The following LAMA2 variants were observed in gnomAD, a reference collection of about 807,000 sequenced individuals.
The protein encoded by LAMA2 is laminin subunit alpha 2.
A neutral mutation model predicts 364.8 loss-of-function variants in LAMA2; 269 were observed. That is an observed-to-expected ratio of 0.74 (90% CI 0.67 to 0.82). The LOEUF is 0.82. Ranked by LOEUF, LAMA2 falls within the 40% of genes least tolerant of loss-of-function variation. LAMA2 has a pLI of 0.00. For synonymous variants in LAMA2, 1,379 were observed against 1,370.6 expected, an observed-to-expected ratio of 1.01 and a Z score of -0.14; for missense variants, 3,807 against 3,873.2, an observed-to-expected ratio of 0.98 and a Z score of 0.45.
At chr6:129,147,698 G>C (rs974304833) in intron 6 of LAMA2, among the ~76,000 whole-genome samples, 1 of 151,958 alleles carries the variant, frequency 6.6e-6, no homozygotes, top group African/African-American at 2.4e-5. Context: ...CTCCTGTATA[G>C]TATATGGAAA....
intron 4 of LAMA2, among the ~76,000 whole-genome samples, chr6:129,100,003 A>T (rs1775428050): frequency 6.6e-6 from 1 of 152,226 alleles, no homozygotes; most frequent in Admixed American, 6.5e-5. Flanking sequence ...GATTCAGTTT[A>T]CATAAGACTA....
chr6:129,229,570 G>A (rs527683408), intron 12 of LAMA2, among the ~76,000 whole-genome samples: 3 of 152,302 alleles, frequency 2.0e-5, no homozygotes, highest in Non-Finnish European at 1.5e-5. Flanking sequence ...GGGTTAGTAT[G>A]ATTGTTACTT....
intron 1 of LAMA2, among the ~76,000 whole-genome samples, chr6:128,945,702 T>C (rs540545327): frequency 8.5e-5 from 13 of 152,280 alleles, no homozygotes; most frequent in Non-Finnish European, 1.8e-4. Flanking sequence ...CCTATCACAT[T>C]TGTGGTAGGA....
At chr6:128,952,977 T>C (rs1780924286) in intron 1 of LAMA2, among the ~76,000 whole-genome samples, 1 of 152,174 alleles carries the variant, frequency 6.6e-6, no homozygotes, top group South Asian at 2.1e-4. Context: ...AAATGGCTAC[T>C]AGTAGCTACA....
intron 3 of LAMA2, among the ~76,000 whole-genome samples, chr6:129,084,406 T>C (rs1214173349): frequency 7.7e-6 from 1 of 129,314 alleles, no homozygotes; most frequent in African/African-American, 2.9e-5. Flanking sequence ...TTGTGTACTT[T>C]AAGCATGTGA....
chr6:129,290,333 C>T (rs1216931399), intron 19 of LAMA2, among the ~76,000 whole-genome samples: 1 of 152,018 alleles, frequency 6.6e-6, no homozygotes. Flanking sequence ...AAATTTTCAG[C>T]CTTTCCTTGT....
intron 45 of LAMA2, among the ~76,000 whole-genome samples, chr6:129,452,323 T>C (rs886723645): frequency 7.2e-5 from 11 of 152,200 alleles, no homozygotes; most frequent in African/African-American, 7.2e-5. Flanking sequence ...ATTTTTAAGG[T>C]ATTATTCAAA....
chr6:129,253,528 C>T (rs1179427275), intron 14 of LAMA2, among the ~76,000 whole-genome samples: 3 of 152,324 alleles, frequency 2.0e-5, no homozygotes, highest in Admixed American at 6.5e-5. Flanking sequence ...GGCAATTCTT[C>T]TAGAAGCTGG....
At chr6:129,301,520 T>C (rs935130953) in intron 22 of LAMA2, among the ~76,000 whole-genome samples, 3 of 152,126 alleles carry the variant, frequency 2.0e-5, no homozygotes, top group East Asian at 3.9e-4. Flanking sequence ...CTCAGGCTGA[T>C]ACAGCCTGGT....
intron 8 of LAMA2, among the ~76,000 whole-genome samples, chr6:129,165,299 G>A (rs1779678872): frequency 6.6e-6 from 1 of 150,878 alleles, no homozygotes; most frequent in Admixed American, 6.6e-5. Context: ...ATGTATACAA[G>A]ATAAAAAGGA....
At chr6:129,445,028 A>G (rs964841915) in intron 44 of LAMA2, among the ~76,000 whole-genome samples, 6 of 152,204 alleles carry the variant, frequency 3.9e-5, no homozygotes, top group African/African-American at 1.4e-4. Context: ...TTTAACCTAC[A>G]AAAACAGCTG....
chr6:129,435,722 C>T (rs771648786), intron 41 of LAMA2, among the ~76,000 whole-genome samples: 4 of 152,134 alleles, frequency 2.6e-5, no homozygotes, highest in Non-Finnish European at 5.9e-5. Context: ...AGGTGTCTGC[C>T]TATAAAACCC....
intron 1 of LAMA2, among the ~76,000 whole-genome samples, chr6:128,967,864 A>G (rs1327612845): frequency 3.3e-5 from 5 of 152,220 alleles, no homozygotes; most frequent in South Asian, 4.1e-4. Context: ...ATTATTATCT[A>G]TTACACCTCA....
chr6:128,897,122 T>C (rs1776821509), intron 1 of LAMA2, among the ~76,000 whole-genome samples: 1 of 152,246 alleles, frequency 6.6e-6, no homozygotes, highest in Non-Finnish European at 1.5e-5. Flanking sequence ...TTCTACTTTG[T>C]GGCCCATTCA....
chr6:129,244,875 T>G (rs1173289995), intron 12 of LAMA2, among the ~76,000 whole-genome samples: 1 of 152,180 alleles, frequency 6.6e-6, no homozygotes, highest in East Asian at 1.9e-4. Context: ...CCATGCACAC[T>G]GTATTGTTAT....
At chr6:128,883,835 C>CACACAT (rs944518770) in intron 1 of LAMA2, among the ~76,000 whole-genome samples, 4 of 117,764 alleles carry the variant, frequency 3.4e-5, no homozygotes, top group Middle Eastern at 4.7e-3. Context: ...CACACACACA[C>CACACAT]ATATATATAT....
chr6:129,023,216 A>G (rs1785559867), intron 1 of LAMA2, among the ~76,000 whole-genome samples: 2 of 152,112 alleles, frequency 1.3e-5, no homozygotes, highest in African/African-American at 4.8e-5. Flanking sequence ...ATTTTTCTCT[A>G]TCTTTGCTGA....
At chr6:129,069,172 TA>T (rs1582983206) in intron 3 of LAMA2, among the ~76,000 whole-genome samples, 1 of 151,976 alleles carries the variant, frequency 6.6e-6, no homozygotes, top group East Asian at 1.9e-4. Context: ...AAAGAGCTGT[TA>T]AAATGTTGAA....
intron 1 of LAMA2, among the ~76,000 whole-genome samples, chr6:128,925,607 A>T (rs1400325069): frequency 2.0e-5 from 3 of 152,226 alleles, no homozygotes; most frequent in African/African-American, 7.2e-5. Flanking sequence ...AACAATGTGA[A>T]GGTACTAATA....
Sources: allele counts gnomAD v4.1 joint callset (sites outside exome capture counted in the v4.1 genomes callset), GRCh38; gene constraint gnomAD v4.1.1; transcripts MANE v1.5; gene names NCBI Gene and HGNC (gene_info 2026-07-23, HGNC 2026-07-21).